Variants in ZNF280D observed in about 807,000 individuals in gnomAD.
ZNF280D encodes zinc finger protein 280D, also known as suppressor of hairy wing homolog 4.
In ZNF280D, 39 loss-of-function variants were observed where a neutral mutation model predicts 94.7. The ratio of observed to expected loss-of-function variants is 0.41; its 90% CI spans 0.32 to 0.54. The LOEUF (loss-of-function observed/expected upper bound fraction) is 0.54. Ranked by LOEUF, ZNF280D falls within the 20% of genes least tolerant of loss-of-function variation. The pLI, the probability that ZNF280D is intolerant of heterozygous loss-of-function variation, is 0.22. For synonymous variants in ZNF280D, 398 were observed against 377.6 expected (o/e 1.05, Z -0.63); for missense variants, 1,090 against 1,149.3 (o/e 0.95, Z 0.75).
chr15:56,704,018 T>C (rs747913008), intron 4 of ZNF280D, 103 bp downstream of exon 4: 1 of 1,280,116 alleles, frequency 7.8e-7, no homozygotes. Context: ...TGTTCCTCTT[T>C]ACAGTGGAAC....
chr15:56,684,585 G>T (rs1191363672), intron 9 of ZNF280D, among the ~76,000 whole-genome samples: 1 of 150,970 alleles, frequency 6.6e-6, no homozygotes, highest in Non-Finnish European at 1.5e-5. Context: ...GAATACAGTG[G>T]TGAGTAGACA....
At chr15:56,670,146 G>GT (rs200302593) in intron 13 of ZNF280D, among the ~76,000 whole-genome samples, 4,924 of 138,410 alleles carry the variant, frequency 0.036, 324 homozygotes, top group Admixed American at 0.17. Flanking sequence ...ATCTAAAGCT[G>GT]TATCTCTGCC....
At chr15:56,723,523 T>C (rs752264536) in intron 1 of ZNF280D, among the ~76,000 whole-genome samples, 1 of 152,190 alleles carries the variant, frequency 6.6e-6, no homozygotes, top group Non-Finnish European at 1.5e-5. Context: ...AATGGTGAAA[T>C]TATATGAATC....
At chr15:56,656,301 T>C (rs1219595338) in intron 17 of ZNF280D, among the ~76,000 whole-genome samples, 7 of 152,238 alleles carry the variant, frequency 4.6e-5, no homozygotes, top group Admixed American at 3.9e-4. Flanking sequence ...CATTGTCATA[T>C]AGAATTATAA....
chr15:56,686,953 T>G (rs1478651879), intron 9 of ZNF280D, among the ~76,000 whole-genome samples: 2 of 152,104 alleles, frequency 1.3e-5, no homozygotes, highest in Non-Finnish European at 2.9e-5. Context: ...TTTGATATTT[T>G]AAATATTTTT....
At chr15:56,655,705 G>T (rs1402207401) in intron 17 of ZNF280D, among the ~76,000 whole-genome samples, 4 of 152,142 alleles carry the variant, frequency 2.6e-5, no homozygotes, top group African/African-American at 9.7e-5. Flanking sequence ...AACTTAAAAT[G>T]CATTTAGACT....
At chr15:56,693,044 C>T in intron 7 of ZNF280D, 54 bp downstream of exon 7, 1 of 999,764 alleles carries the variant, frequency 1.0e-6, no homozygotes, top group Non-Finnish European at 1.6e-6. Context: ...ATCTCATATG[C>T]ATATTCATCA....
At chr15:56,641,191 T>C (rs1476293220) in intron 20 of ZNF280D, among the ~76,000 whole-genome samples, 1 of 152,016 alleles carries the variant, frequency 6.6e-6, no homozygotes, top group Non-Finnish European at 1.5e-5. Flanking sequence ...TGCATATCTC[T>C]TGCTCAAGTT....
chr15:56,632,339 A>T (rs1458506481), intron 21 of ZNF280D, among the ~76,000 whole-genome samples: 5 of 152,146 alleles, frequency 3.3e-5, no homozygotes, highest in African/African-American at 1.2e-4. Flanking sequence ...TCACATACTA[A>T]AAGATATCTA....
intron 1 of ZNF280D, among the ~76,000 whole-genome samples, chr15:56,723,304 A>AT (rs139384093): frequency 0.013 from 1,951 of 152,310 alleles, 39 homozygotes; most frequent in African/African-American, 0.045. Flanking sequence ...TTATTTAGCA[A>AT]TTTTTTAAAA....
chr15:56,693,258 G>C (rs563773912), intron 6 of ZNF280D, 43 bp from the exon 7 acceptor site: 3 of 689,796 alleles, frequency 4.3e-6, no homozygotes, highest in Non-Finnish European at 6.5e-6. Flanking sequence ...TTATTCAACA[G>C]TTATAATTAT....
At chr15:56,706,789 T>C (rs1290615273) in intron 3 of ZNF280D, among the ~76,000 whole-genome samples, 5 of 152,110 alleles carry the variant, frequency 3.3e-5, no homozygotes, top group African/African-American at 7.2e-5. Flanking sequence ...TAAGACATAA[T>C]AGCTTTATAA....
intron 1 of ZNF280D, among the ~76,000 whole-genome samples, chr15:56,710,772 A>G (rs1272319890): frequency 6.6e-6 from 1 of 152,082 alleles, no homozygotes; most frequent in Non-Finnish European, 1.5e-5. Flanking sequence ...CGTGTTAAAT[A>G]ATATTAATAC....
intron 19 of ZNF280D, among the ~76,000 whole-genome samples, chr15:56,643,723 G>C (rs1215293774): frequency 1.3e-5 from 2 of 151,804 alleles, no homozygotes; most frequent in Non-Finnish European, 3.0e-5. Flanking sequence ...TATTATTTGT[G>C]ATATTATACA....
intron 17 of ZNF280D, among the ~76,000 whole-genome samples, chr15:56,655,074 T>C (rs2053458462): frequency 6.6e-6 from 1 of 152,244 alleles, no homozygotes; most frequent in South Asian, 2.1e-4. Flanking sequence ...TTGTACATTA[T>C]GTGTCAAGAG....
rs368423339 is a variant in ZNF280D at position 56,651,384 on chromosome 15, A to C, written c.2213+2814T>G. 3.1e-3 allele frequency among the ~76,000 whole-genome samples: 471 copies of C among 152,352 alleles called. 3 individuals are homozygous for C. The highest frequency in any genetic ancestry group is 0.011 in the African/African-American group (459 of 41,582). On this transcript the variant is annotated intron_variant, in intron 19 of 21. Transcript: ENST00000267807. The stretch of plus-strand genomic sequence containing the variant: ...GGTAAGGAGGGATTAGACTCAAACT[A>C]AAACTCATTAGCACTAAACTGAAAA...
intron 17 of ZNF280D, 170 bp from the exon 18 acceptor site, chr15:56,654,673 G>T (rs1168220615): frequency 6.1e-6 from 4 of 658,692 alleles, no homozygotes; most frequent in African/African-American, 3.6e-5. Context: ...AAATGACATA[G>T]CCATGTCCAA....
rs184298759 is a variant in ZNF280D at position 56,637,437 on chromosome 15, T to C, written c.2260-2187A>G. ...CTCAAGGGATCCTCCTGCATTAGCT[T>C]CCCAAAGTGTTGGGATTACAGGCAT... On this transcript the variant is annotated intron_variant, in intron 20 of 21. Transcript: ENST00000267807. 2.0e-3 allele frequency among the ~76,000 whole-genome samples: 301 copies of C among 152,192 alleles called. 3 individuals carry two copies. The highest frequency in any genetic ancestry group is 2.8e-3 in the African/African-American group (115 of 41,524).
At chr15:56,648,103 C>G (rs1474279015) in intron 19 of ZNF280D, among the ~76,000 whole-genome samples, 1 of 152,068 alleles carries the variant, frequency 6.6e-6, no homozygotes, top group Non-Finnish European at 1.5e-5. Flanking sequence ...TTCCACTGCA[C>G]TGCCTCAAGC....
Sources: gnomAD v4.1 joint callset for allele counts (sites outside exome capture counted in the v4.1 genomes callset) on GRCh38, gnomAD v4.1.1 for gene constraint, MANE v1.5 for transcripts, NCBI Gene and HGNC (gene_info 2026-07-23, HGNC 2026-07-21) for gene names.